The following ITGA9 variants were observed in gnomAD, a reference collection of about 807,000 sequenced individuals.
ITGA9 encodes integrin alpha-9.
In ITGA9, 56 loss-of-function variants were observed where a neutral mutation model predicts 127.8. The observed-to-expected ratio is 0.44, with a 90% CI of 0.35 to 0.55. The LOEUF is 0.55. ITGA9 is among the 20% of genes least tolerant of loss of function. The pLI is 0.00. For synonymous variants in ITGA9, 508 were observed against 514.5 expected (o/e 0.99, Z 0.17); for missense variants, 1,196 against 1,347.1 (o/e 0.89, Z 1.76).
At chr3:37,598,946 T>A (rs1406259810) in intron 15 of ITGA9, among the ~76,000 whole-genome samples, 1 of 152,174 alleles carries the variant, frequency 6.6e-6, no homozygotes, top group Non-Finnish European at 1.5e-5. Flanking sequence ...TTTCCTTTGT[T>A]ACTTTTCATG....
intron 23 of ITGA9, among the ~76,000 whole-genome samples, chr3:37,751,157 T>C (rs76552226): frequency 0.012 from 1,820 of 152,362 alleles, 42 homozygotes; most frequent in African/African-American, 0.041. Context: ...TCATGTGGAC[T>C]GAAAACCAGA....
intron 15 of ITGA9, among the ~76,000 whole-genome samples, chr3:37,595,271 C>T (rs1176195735): frequency 1.3e-5 from 2 of 152,048 alleles, no homozygotes; most frequent in East Asian, 3.9e-4. Flanking sequence ...TGGCCAGCTC[C>T]ACCACCAGGT....
chr3:37,507,232 A>C (rs1245431112), intron 7 of ITGA9, among the ~76,000 whole-genome samples: 1 of 152,132 alleles, frequency 6.6e-6, no homozygotes, highest in Non-Finnish European at 1.5e-5. Context: ...GTTCTTTCTG[A>C]GTTGCATGAA....
Position 37,452,531 on chromosome 3 carries a change from C to T in ITGA9, c.157C>T (p.Leu53=). 1 of 1,528,878 alleles carries T rather than the reference C, an allele frequency of 6.5e-7. No individual in the cohort carries two copies. The highest frequency in any genetic ancestry group is 8.8e-7 in the Non-Finnish European group (1 of 1,138,000). 94.7% of individuals were successfully genotyped at this position (1,528,878 alleles called of 1,614,324 possible). The change falls in exon 1 of 28, where the codon CTG becomes TTG. Residue 53 remains leucine, a synonymous_variant. Coordinates refer to ENST00000264741, the MANE Select transcript of ITGA9 (RefSeq NM_002207.3). The surrounding 1 kb of genome is among the most constrained non-coding windows in gnomAD (Gnocchi z 7.3). ...PADSFFGYAV[L]EHFHDNTRWV... is the part of the protein sequence containing the mutation. Reference sequence around the variant, plus strand: ...TGACTCGTTCTTCGGCTACGCAGTTCTGGAGCATTTCCACGACAACACGCG... The same window carrying T: ...TGACTCGTTCTTCGGCTACGCAGTTTTGGAGCATTTCCACGACAACACGCG...
chr3:37,645,328 G>A (rs1034042463), intron 16 of ITGA9, among the ~76,000 whole-genome samples: 3 of 152,296 alleles, frequency 2.0e-5, no homozygotes, highest in East Asian at 3.9e-4. Context: ...CAGCAGTTTG[G>A]GAGGCTGAGA....
chr3:37,681,241 G>A (rs1044928378), intron 17 of ITGA9, among the ~76,000 whole-genome samples: 4 of 152,206 alleles, frequency 2.6e-5, no homozygotes, highest in African/African-American at 7.2e-5. Context: ...GATGTGGGGT[G>A]GTTCAGAGCA....
rs185898457 is a variant in ITGA9, at chr3:37,493,075, G to A, written c.545-1426G>A. 1.3e-3 allele frequency among the ~76,000 whole-genome samples: 195 copies of A among 148,712 alleles called. 1 individual carries two copies. The highest frequency in any genetic ancestry group is 2.9e-3 in the Admixed American group (44 of 15,148). ...TGTCCTTATAATAACCGGACAAGGC[G>A]GGAGAACTGATTTTATCCTGCATGG... On this transcript the variant is annotated intron_variant, in intron 4 of 27. Coordinates refer to ENST00000264741, the MANE Select transcript of ITGA9 (RefSeq NM_002207.3).
intron 15 of ITGA9, among the ~76,000 whole-genome samples, chr3:37,576,598 T>C (rs576188490): frequency 3.8e-4 from 58 of 152,266 alleles, no homozygotes; most frequent in Non-Finnish European, 7.4e-4. Context: ...CAGCCAAGCA[T>C]GGAGGTCTCA....
chr3:37,532,957 T>C (rs957303724), intron 13 of ITGA9, among the ~76,000 whole-genome samples: 7 of 152,224 alleles, frequency 4.6e-5, no homozygotes, highest in African/African-American at 1.7e-4. Context: ...TAGGAAATCC[T>C]CTTAAATGTA....
chr3:37,712,824 G>T (rs1186768833), intron 18 of ITGA9, among the ~76,000 whole-genome samples: 1 of 152,196 alleles, frequency 6.6e-6, no homozygotes, highest in Non-Finnish European at 1.5e-5. Context: ...AACGGGTTGG[G>T]AGTGAGGTGG....
At chr3:37,617,484 T>C (rs1471003456) in intron 15 of ITGA9, among the ~76,000 whole-genome samples, 1 of 152,208 alleles carries the variant, frequency 6.6e-6, no homozygotes, top group Non-Finnish European at 1.5e-5. Context: ...GCATTCTCTG[T>C]ATTTCCTGAA....
chr3:37,467,730 T>A (rs1425943882), intron 1 of ITGA9, among the ~76,000 whole-genome samples: 1 of 152,162 alleles, frequency 6.6e-6, no homozygotes, highest in African/African-American at 2.4e-5. Flanking sequence ...TTGGTGGGAA[T>A]TTTTGGACTC....
intron 23 of ITGA9, among the ~76,000 whole-genome samples, chr3:37,755,336 G>T (rs1162254904): frequency 6.6e-6 from 1 of 152,082 alleles, no homozygotes; most frequent in African/African-American, 2.4e-5. Context: ...ATCACCAGAG[G>T]CAGGCTCAGT....
At chr3:37,791,324 C>G (rs1051176977) in intron 26 of ITGA9, among the ~76,000 whole-genome samples, 1 of 151,734 alleles carries the variant, frequency 6.6e-6, no homozygotes, top group African/African-American at 2.4e-5. Context: ...ACAGATGAGT[C>G]GGTAAGCTGC....
chr3:37,592,004 G>T (rs909487034), intron 15 of ITGA9, among the ~76,000 whole-genome samples: 1 of 152,172 alleles, frequency 6.6e-6, no homozygotes, highest in Non-Finnish European at 1.5e-5. Context: ...CTTAGTCATG[G>T]GTGGATAGGG....
intron 4 of ITGA9, among the ~76,000 whole-genome samples, chr3:37,494,036 C>T (rs1698700128): frequency 6.6e-6 from 1 of 152,110 alleles, no homozygotes; most frequent in South Asian, 2.1e-4. Flanking sequence ...CTGTGGACGG[C>T]TTGTTTCTTT....
intron 16 of ITGA9, among the ~76,000 whole-genome samples, chr3:37,645,753 G>A (rs1700371007): frequency 1.3e-5 from 2 of 152,146 alleles, no homozygotes; most frequent in African/African-American, 4.8e-5. Flanking sequence ...ATATCACCAA[G>A]TCCAAGAAAC....
chr3:37,716,359 C>A (rs371798177), intron 18 of ITGA9, among the ~76,000 whole-genome samples: 7 of 150,758 alleles, frequency 4.6e-5, no homozygotes, highest in Non-Finnish European at 1.0e-4. Flanking sequence ...TGAAGCAGAA[C>A]GAAAAAATGG....
At chr3:37,726,544 C>T (rs1213785219) in intron 18 of ITGA9, among the ~76,000 whole-genome samples, 1 of 152,232 alleles carries the variant, frequency 6.6e-6, no homozygotes, top group African/African-American at 2.4e-5. Flanking sequence ...TTTCATTATT[C>T]GATTCTTCCA....
Sources: allele counts gnomAD v4.1 joint callset (sites outside exome capture counted in the v4.1 genomes callset), GRCh38; gene constraint gnomAD v4.1.1; non-coding constraint Gnocchi (gnomAD v3.1); transcripts MANE v1.5; gene names NCBI Gene and HGNC (gene_info 2026-07-23, HGNC 2026-07-21).